Variants in TLK1 observed in about 807,000 individuals in gnomAD.
The protein encoded by TLK1 is serine/threonine-protein kinase tousled-like 1.
TLK1 carries 24 observed loss-of-function variants against 105.3 expected under a neutral mutation model. The observed-to-expected ratio is 0.23, with a 90% confidence interval of 0.17 to 0.32. The LOEUF is 0.32. Among genes scored for constraint, TLK1 ranks in the 10% least tolerant of loss-of-function variants. The pLI, the probability that TLK1 is intolerant of heterozygous loss-of-function variation, is 1.00. For synonymous variants in TLK1, 321 were observed against 310.4 expected (o/e 1.03, Z -0.36); for missense variants, 558 against 910.5 (o/e 0.61, Z 4.98).
chr2:171,050,257 T>A, intron 8 of TLK1, 83 bp from the exon 9 acceptor site: 1 of 905,886 alleles, frequency 1.1e-6, no homozygotes, highest in Non-Finnish European at 1.6e-6. Flanking sequence ...CTAAATAAAT[T>A]ATATACAGAT....
chr2:171,187,057 CAA>C (rs71013019), intron 1 of TLK1, among the ~76,000 whole-genome samples: 2 of 34,056 alleles, frequency 5.9e-5, no homozygotes, highest in East Asian at 1.2e-3. Flanking sequence ...GACTCTGTCT[CAA>C]AAAAAAAAAA....
intron 1 of TLK1, among the ~76,000 whole-genome samples, chr2:171,175,959 G>A (rs896732552): frequency 2.6e-5 from 4 of 151,590 alleles, no homozygotes; most frequent in East Asian, 1.9e-4. Flanking sequence ...TTTTTGAGAC[G>A]GAGTTTCACT....
intron 1 of TLK1, among the ~76,000 whole-genome samples, chr2:171,226,035 C>T (rs1693891511): frequency 6.6e-6 from 1 of 152,122 alleles, no homozygotes; most frequent in East Asian, 1.9e-4. Context: ...CACCACCCCC[C>T]TAATATTCTC....
intron 1 of TLK1, among the ~76,000 whole-genome samples, chr2:171,119,408 G>A (rs1690562620): frequency 6.6e-6 from 1 of 152,096 alleles, no homozygotes; most frequent in Non-Finnish European, 1.5e-5. Context: ...ATGGCCTTCT[G>A]TTTTCTTTTC....
At chr2:171,186,483 T>C (rs1229185230) in intron 1 of TLK1, among the ~76,000 whole-genome samples, 1 of 152,180 alleles carries the variant, frequency 6.6e-6, no homozygotes. Flanking sequence ...ATGCTAAATA[T>C]CCTACAATGT....
At chr2:171,060,799 A>C (rs1414453127) in intron 4 of TLK1, among the ~76,000 whole-genome samples, 1 of 152,162 alleles carries the variant, frequency 6.6e-6, no homozygotes, top group Non-Finnish European at 1.5e-5. Flanking sequence ...TAATTCAAAA[A>C]CAAGCCATTT....
At chr2:171,016,535 GT>G (rs551276049) in intron 12 of TLK1, among the ~76,000 whole-genome samples, 3 of 152,144 alleles carry the variant, frequency 2.0e-5, no homozygotes, top group African/African-American at 7.2e-5. Context: ...TGGAACAGAA[GT>G]TTTTTCTGAA....
chr2:171,066,809 A>G (rs2105454459), intron 3 of TLK1: 1 of 1,547,928 alleles, frequency 6.5e-7, no homozygotes, highest in Non-Finnish European at 8.7e-7. Context: ...TAAAATTAGA[A>G]TAAAGTTGAA....
At chr2:171,043,657 T>C (rs1430309685) in intron 11 of TLK1, among the ~76,000 whole-genome samples, 3 of 152,178 alleles carry the variant, frequency 2.0e-5, no homozygotes, top group African/African-American at 4.8e-5. Flanking sequence ...TAGCGGGAAC[T>C]TGCATAAAGG....
At chr2:171,219,781 A>G (rs1173513851) in intron 1 of TLK1, among the ~76,000 whole-genome samples, 1 of 152,090 alleles carries the variant, frequency 6.6e-6, no homozygotes, top group Non-Finnish European at 1.5e-5. Flanking sequence ...TTGTATTTTT[A>G]GTAGAAATAG....
At chr2:171,210,069 G>A (rs574538609) in intron 1 of TLK1, among the ~76,000 whole-genome samples, 2 of 152,130 alleles carry the variant, frequency 1.3e-5, no homozygotes, top group East Asian at 3.9e-4. Context: ...CTTCATTTAT[G>A]TTTATTTACA....
chr2:171,169,061 G>C (rs1054969880), intron 1 of TLK1, among the ~76,000 whole-genome samples: 7 of 151,222 alleles, frequency 4.6e-5, no homozygotes, highest in Admixed American at 1.3e-4. Flanking sequence ...CTGGGCAACA[G>C]AGTGAGACCC....
At chr2:170,994,538 C>CAA (rs11397597) in intron 20 of TLK1, among the ~76,000 whole-genome samples, 6,464 of 129,340 alleles carry the variant, frequency 0.05, 346 homozygotes, top group African/African-American at 0.13. Context: ...TAGCCTCTTA[C>CAA]AAAAAAAAAA....
At chr2:171,080,104 G>A (rs1688681951) in intron 3 of TLK1, among the ~76,000 whole-genome samples, 1 of 151,382 alleles carries the variant, frequency 6.6e-6, no homozygotes, top group African/African-American at 2.4e-5. Flanking sequence ...GGTTGAGGCA[G>A]GAAAATTGCT....
upstream of TLK1, among the ~76,000 whole-genome samples, chr2:171,165,201 A>C (rs1692584969): frequency 6.6e-6 from 1 of 152,230 alleles, no homozygotes; most frequent in Non-Finnish European, 1.5e-5. Flanking sequence ...AAAGGTAGTA[A>C]ACCTGCCTAG....
intron 11 of TLK1, among the ~76,000 whole-genome samples, chr2:171,036,265 T>G (rs994435521): frequency 6.6e-6 from 1 of 152,132 alleles, no homozygotes; most frequent in African/African-American, 2.4e-5. Context: ...ACCAGCATGG[T>G]GAAACCCTGT....
At chr2:171,139,081 A>C (rs567373610) in intron 1 of TLK1, among the ~76,000 whole-genome samples, 2 of 152,354 alleles carry the variant, frequency 1.3e-5, no homozygotes, top group East Asian at 3.9e-4. Context: ...AAAGTGACTA[A>C]GACGTGTATC....
intron 12 of TLK1, among the ~76,000 whole-genome samples, chr2:171,020,058 T>A (rs1685417137): frequency 1.3e-5 from 1 of 78,092 alleles, no homozygotes; most frequent in Admixed American, 1.6e-4. Flanking sequence ...TAAGACTCCG[T>A]CTCAGAAAAA....
intron 1 of TLK1, among the ~76,000 whole-genome samples, chr2:171,195,083 T>A (rs1693241650): frequency 6.6e-6 from 1 of 152,142 alleles, no homozygotes; most frequent in Admixed American, 6.5e-5. Flanking sequence ...ATACTTGCTG[T>A]CAGTAAAGAT....
Sources: allele counts gnomAD v4.1 joint callset (sites outside exome capture counted in the v4.1 genomes callset), GRCh38; gene constraint gnomAD v4.1.1; transcripts MANE v1.5; gene names NCBI Gene and HGNC (gene_info 2026-07-23, HGNC 2026-07-21).